C10orf105: variants seen among roughly 807,000 people sequenced by gnomAD.
The protein encoded by C10orf105 is uncharacterized protein C10orf105.
A neutral mutation model predicts 0.6 loss-of-function variants in C10orf105; 2 were observed. The ratio of observed to expected loss-of-function variants is 3.18; its 90% CI spans 1.30 to 10.01. The LOEUF is 10.01. C10orf105 is among the 30% of genes most tolerant of loss of function. C10orf105 has a pLI of 0.04. For missense variants in C10orf105, 209 were observed against 191.4 expected, an observed-to-expected ratio of 1.09 and a Z score of -0.54; for synonymous variants, 95 against 82.4, an observed-to-expected ratio of 1.15 and a Z score of -0.83.
At chr10:71,728,612 G>T (rs913343140) in intron 1 of C10orf105, among the ~76,000 whole-genome samples, 1 of 152,154 alleles carries the variant, frequency 6.6e-6, no homozygotes, top group African/African-American at 2.4e-5. Context: ...CCCTCCCTTA[G>T]TGCTGGTCAC....
At chr10:71,716,407 G>A in intron 1 of C10orf105, 65 bp from the exon 2 acceptor site, 7 of 1,317,444 alleles carry the variant, frequency 5.3e-6, no homozygotes, top group Non-Finnish European at 6.1e-6. Flanking sequence ...CGGGTATAGG[G>A]AAGACTTACC....
upstream of C10orf105, among the ~76,000 whole-genome samples, chr10:71,724,735 G>C (rs1344682039): frequency 6.6e-6 from 1 of 152,250 alleles, no homozygotes; most frequent in Non-Finnish European, 1.5e-5. Flanking sequence ...GGTCTCATTG[G>C]TCCAATCAGA....
At position 71,713,850 on chromosome 10, in the gene C10orf105, G is replaced by A. The variant is rs1290774644; in HGVS notation, c.*2086C>T. 1 of 153,408 alleles carries A rather than the reference G, an allele frequency of 6.5e-6. No homozygotes were observed. The highest frequency in any genetic ancestry group is 1.4e-5 in the Non-Finnish European group (1 of 69,042). The allele number at this position is 153,408 out of a possible 1,614,324, so 9.5% of individuals were successfully genotyped here. The stretch of plus-strand genomic sequence containing the variant: ...AGCAGGGCCTGCTGGTGAGGTGGAT[G>A]GCTACAGGCTGAATCCAGCCTAGGA... On this transcript the variant is annotated 3_prime_UTR_variant, in exon 2 of 2. Coordinates refer to ENST00000441508, the MANE Select transcript of C10orf105 (RefSeq NM_001164375.3).
At chr10:71,736,927 G>A (rs922631141) in intron 1 of C10orf105, among the ~76,000 whole-genome samples, 9 of 152,158 alleles carry the variant, frequency 5.9e-5, no homozygotes, top group African/African-American at 1.9e-4. Context: ...AGCTGAGAGC[G>A]TCAGAATGCA....
At chr10:71,733,057 C>T (rs556955233) in intron 1 of C10orf105, among the ~76,000 whole-genome samples, 1 of 150,870 alleles carries the variant, frequency 6.6e-6, no homozygotes, top group East Asian at 1.9e-4. Context: ...GTTGTTTGAC[C>T]CATGCTTCTG....
rs111033519 is a variant in C10orf105 at position 71,725,421 on chromosome 10, G to T, written c.-5-9079C>A. ...TCCATGTCAGCAATGGGCTCCTGATGCGAGGGCCCCGGCCCCTGGACCGGG... is the reference window on the plus strand; with the variant it reads ...TCCATGTCAGCAATGGGCTCCTGATTCGAGGGCCCCGGCCCCTGGACCGGG... On this transcript the variant is annotated intron_variant, in intron 1 of 1. Transcript: ENST00000398786. 9.7e-4 allele frequency: 1,571 copies of T among 1,614,046 alleles called. 24 individuals are homozygous for T. The South Asian group carries it at 0.014, about 15-fold the overall frequency.
In C10orf105 at chr10:71,714,578, T is replaced by A. The variant is rs2132765826; in HGVS notation, c.*1358A>T. 1 of 152,376 alleles carries A rather than the reference T, an allele frequency of 6.6e-6. No individual in the cohort carries two copies. Among genetic ancestry groups the A allele is most frequent in the Non-Finnish European group, 1.5e-5 (1 of 68,078 alleles). The allele number at this position is 152,376 out of a possible 1,614,324, so 9.4% of individuals were successfully genotyped here. A position where few individuals can be genotyped will look rare whatever the true frequency, so the allele number is the denominator to read the frequency against. On this transcript the variant is annotated 3_prime_UTR_variant, in exon 2 of 2. Coordinates refer to ENST00000441508, the MANE Select transcript of C10orf105 (RefSeq NM_001164375.3). ...TAAGCCACAGTTAGTGGGTGACAGG[T>A]CTTTCAGTTTTCCTGGAGTTTTGGA...
intron 1 of C10orf105, among the ~76,000 whole-genome samples, chr10:71,729,920 T>C (rs1839306089): frequency 6.6e-6 from 1 of 151,976 alleles, no homozygotes; most frequent in Admixed American, 6.6e-5. Flanking sequence ...CTGCAACCTC[T>C]GCCTCCCGGG....
Position 71,712,915 on chromosome 10 carries a change from G to A in C10orf105, c.*3021C>T. The A allele has an allele frequency of 7.1e-7, 1 of 1,407,702 alleles. No homozygotes were observed. Among genetic ancestry groups the A allele is most frequent in the South Asian group, 1.2e-5 (1 of 81,292 alleles). The allele number at this position is 1,407,702 out of a possible 1,614,324, so 87.2% of individuals were successfully genotyped here. A position where few individuals can be genotyped will look rare whatever the true frequency, so the allele number is the denominator to read the frequency against. On this transcript the variant is annotated 3_prime_UTR_variant, in exon 2 of 2. Coordinates refer to ENST00000441508, the MANE Select transcript of C10orf105 (RefSeq NM_001164375.3). ...TCAGTGGCACCAGAGGCGGAAGCAGGTGGGGGCCCAGGGTGGGTCCGCTGC... is the reference window on the plus strand; with the variant it reads ...TCAGTGGCACCAGAGGCGGAAGCAGATGGGGGCCCAGGGTGGGTCCGCTGC...
At chr10:71,735,678 C>T (rs947057892) in intron 1 of C10orf105, among the ~76,000 whole-genome samples, 7 of 152,242 alleles carry the variant, frequency 4.6e-5, no homozygotes, top group Admixed American at 3.9e-4. Context: ...GTGTCCAAGC[C>T]AAGAGCCAAA....
upstream of C10orf105, chr10:71,723,989 C>T: frequency 1.3e-6 from 2 of 1,542,846 alleles, no homozygotes; most frequent in Admixed American, 3.9e-5. Context: ...CTAAAAACCT[C>T]TTCTCTCCCT....
chr10:71,727,630 G>A (rs928373239), intron 1 of C10orf105, among the ~76,000 whole-genome samples: 5 of 152,134 alleles, frequency 3.3e-5, no homozygotes, highest in Non-Finnish European at 7.4e-5. Flanking sequence ...AGTCCCCTTA[G>A]AGACTGGGTG....
chr10:71,717,835 T>A (rs1866351320), intron 1 of C10orf105: 1 of 152,104 alleles, frequency 6.6e-6, no homozygotes, highest in South Asian at 2.1e-4. Flanking sequence ...TCAAATTTGT[T>A]GAAGGCAAGA....
Position 71,730,386 on chromosome 10 carries a change from C to G in C10orf105, c.-6+7342G>C, listed in dbSNP as rs956101576. 5.2e-6 allele frequency: 8 copies of G among 1,530,940 alleles called. No individual in the cohort carries two copies. In the Admixed American group the frequency reaches 1.2e-4, roughly 22 times the overall value. The allele number at this position is 1,530,940 out of a possible 1,614,324, so 94.8% of individuals were successfully genotyped here. On this transcript the variant is annotated intron_variant, in intron 1 of 1. Transcript: ENST00000398786. Reference sequence around the variant, plus strand: ...CAGGCCCAGGAAAGCAGTGACCACACAAGGCGGCCACAGTGGGCCAAGCCC... The same window carrying G: ...CAGGCCCAGGAAAGCAGTGACCACAGAAGGCGGCCACAGTGGGCCAAGCCC...
At position 71,730,480 on chromosome 10, in the gene C10orf105, C is replaced by T. The variant is rs771305669; in HGVS notation, c.-6+7248G>A. 1.7e-5 allele frequency: 27 copies of T among 1,613,780 alleles called. No homozygotes were observed. The highest frequency in any genetic ancestry group is 4.5e-5 in the East Asian group (2 of 44,878). On this transcript the variant is annotated intron_variant, in intron 1 of 1. Coordinates refer to the C10orf105 transcript ENST00000398786. ...CCCGGCTCCCACAGGTGATTGTGTA[C>T]GTGGAGGACATCAACGATGAGGCCC...
upstream of C10orf105, among the ~76,000 whole-genome samples, chr10:71,724,435 C>A (rs527466314): frequency 1.3e-5 from 2 of 152,350 alleles, no homozygotes; most frequent in South Asian, 4.1e-4. Context: ...GTAGCTCAGT[C>A]CCCAGTAGCT....
chr10:71,720,235 T>C (rs1376495283), upstream of C10orf105, among the ~76,000 whole-genome samples: 1 of 152,132 alleles, frequency 6.6e-6, no homozygotes, highest in Non-Finnish European at 1.5e-5. Flanking sequence ...TCCAGGCTTT[T>C]CCCTCAGCTT....
At position 71,715,906 on chromosome 10, in the gene C10orf105, G is replaced by A; in HGVS notation, c.*30C>T. 1.4e-6 allele frequency: 2 copies of A among 1,444,938 alleles called. No individual in the cohort carries two copies. The highest frequency in any genetic ancestry group is 9.1e-7 in the Non-Finnish European group (1 of 1,096,080). 89.5% of individuals were successfully genotyped at this position (1,444,938 alleles called of 1,614,324 possible). ...GGAGGATCTACAGGTAGACCTAGGG[G>A]GATGTGGGGGCATGTTTGTGGACAC... On this transcript the variant is annotated 3_prime_UTR_variant, in exon 2 of 2. Transcript: ENST00000441508.
Position 71,719,371 on chromosome 10 carries a change from A to G in C10orf105, c.-6+256T>C, listed in dbSNP as rs1418668133. Among the ~76,000 whole-genome samples the G allele has an allele frequency of 5.3e-5, 8 of 152,176 alleles. No homozygotes were observed. In the East Asian group the frequency reaches 1.5e-3, roughly 29 times the overall value. ...TGCACCAGCGGGCCCTGCTCTGGAC[A>G]TATCTCTGCAAGCTCAGTCTAGGAC... On this transcript the variant is annotated intron_variant, in intron 1 of 1. Transcript: ENST00000441508.
Sources: gnomAD v4.1 joint callset for allele counts (sites outside exome capture counted in the v4.1 genomes callset) on GRCh38, gnomAD v4.1.1 for gene constraint, MANE v1.5 for transcripts, NCBI Gene and HGNC (gene_info 2026-07-23, HGNC 2026-07-21) for gene names.